The following PLEKHS1 variants were observed in gnomAD, a reference collection of about 807,000 sequenced individuals.
The protein encoded by PLEKHS1 is pleckstrin homology domain-containing family S member 1.
PLEKHS1 carries 55 observed loss-of-function variants against 51.0 expected under a neutral mutation model. The observed-to-expected ratio is 1.08, with a 90% CI of 0.87 to 1.35. The LOEUF is 1.35. Among genes scored for constraint, PLEKHS1 ranks in the 40% most tolerant of loss-of-function variants. PLEKHS1 has a pLI of 0.00. For synonymous variants in PLEKHS1, 153 were observed against 144.8 expected (o/e 1.06, Z -0.41); for missense variants, 398 against 423.0 (o/e 0.94, Z 0.52).
In PLEKHS1 at chr10:113,755,453, G is replaced by A. The variant is rs7920463; in HGVS notation, c.28+148G>A. On this transcript the variant is annotated intron_variant, in intron 2 of 11. Transcript: ENST00000361048. The stretch of plus-strand genomic sequence containing the variant: ...GTTTGAGACAGTCTTGCTCTGTTGC[G>A]TAGGCTGGAGTACAGTGGCACGATC... 1,228 of 1,360,058 alleles carry A rather than the reference G, an allele frequency of 9.0e-4. 9 individuals carry two copies. In the African/African-American group the frequency reaches 0.015, roughly 17 times the overall value. The allele number at this position is 1,360,058 out of a possible 1,614,324, so 84.2% of individuals were successfully genotyped here.
intron 11 of PLEKHS1, 107 bp from the exon 13 acceptor site, chr10:113,780,495 A>G: frequency 9.6e-7 from 1 of 1,042,982 alleles, no homozygotes; most frequent in South Asian, 1.4e-5. Context: ...TCACTGCAGG[A>G]CTTTCTTCAA....
chr10:113,764,170 G>A (rs546814871), intron 2 of PLEKHS1, among the ~76,000 whole-genome samples: 91 of 152,122 alleles, frequency 6.0e-4, no homozygotes, highest in Non-Finnish European at 1.1e-3. Flanking sequence ...GCGCTATCTC[G>A]GCTCACTGCA....
At chr10:113,777,311 A>G (rs1844718001) in intron 11 of PLEKHS1, 52 bp downstream of exon 12, 1 of 1,608,846 alleles carries the variant, frequency 6.2e-7, no homozygotes, top group East Asian at 2.2e-5. Context: ...CAGAAGGAAA[A>G]AGATCAGGGT....
chr10:113,770,120 C>T (rs1426150496), intron 7 of PLEKHS1, among the ~76,000 whole-genome samples: 1 of 152,194 alleles, frequency 6.6e-6, no homozygotes, highest in African/African-American at 2.4e-5. Flanking sequence ...ATTTTAGATG[C>T]TCTTGATATG....
intron 1 of PLEKHS1, among the ~76,000 whole-genome samples, chr10:113,754,463 C>A (rs1854003820): frequency 6.6e-6 from 1 of 152,124 alleles, no homozygotes; most frequent in African/African-American, 2.4e-5. Context: ...AAGGATGCTG[C>A]CTCTCAGATT....
chr10:113,766,711 A>C (rs1331597323), exon 4 of PLEKHS1: 1 of 1,607,500 alleles, frequency 6.2e-7, no homozygotes, highest in Non-Finnish European at 8.5e-7. Context: ...TTCCATTGAA[A>C]TTGATCAGTG....
At chr10:113,765,315 TCA>T in intron 2 of PLEKHS1, 1 of 777,460 alleles carries the variant, frequency 1.3e-6, no homozygotes, top group East Asian at 2.4e-5. Flanking sequence ...TAATTATTCC[TCA>T]CACTGAGGCA....
chr10:113,765,165 T>C, intron 2 of PLEKHS1: 1 of 444,116 alleles, frequency 2.3e-6, no homozygotes. Context: ...TTCCTGAATA[T>C]CTTTGTATTC....
chr10:113,757,054 G>A (rs1414392544), intron 2 of PLEKHS1, among the ~76,000 whole-genome samples: 1 of 151,870 alleles, frequency 6.6e-6, no homozygotes, highest in East Asian at 1.9e-4. Flanking sequence ...TAGCTAGGAG[G>A]CGCCTGCCAC....
At chr10:113,778,403 A>G (rs1039340544) in intron 11 of PLEKHS1, among the ~76,000 whole-genome samples, 20 of 152,158 alleles carry the variant, frequency 1.3e-4, no homozygotes, top group Admixed American at 1.1e-3. Context: ...TCTGAAAACC[A>G]TTGTATTAGA....
At chr10:113,755,158 A>G in intron 1 of PLEKHS1, 101 bp from the exon 2 acceptor site, 1 of 1,321,892 alleles carries the variant, frequency 7.6e-7, no homozygotes. Context: ...TCTCAGCAAC[A>G]TTCGTGAGCA....
intron 11 of PLEKHS1, 120 bp from the exon 13 acceptor site, chr10:113,780,482 A>G: frequency 1.1e-6 from 1 of 901,576 alleles, no homozygotes; most frequent in Admixed American, 2.0e-5. Context: ...CAGATATTAC[A>G]GTTCACTGCA....
intron 4 of PLEKHS1, 24 bp from the exon 5 acceptor site, chr10:113,767,321 A>G (rs1402287828): frequency 6.5e-7 from 1 of 1,545,718 alleles, no homozygotes; most frequent in Non-Finnish European, 8.8e-7. Flanking sequence ...CCTTGGTTTA[A>G]TACTTTGTGT....
At chr10:113,765,291 A>G in intron 2 of PLEKHS1, 2 of 769,410 alleles carry the variant, frequency 2.6e-6, no homozygotes, top group South Asian at 2.7e-5. Flanking sequence ...TAGAACTAGT[A>G]ATTAGTGTAG....
chr10:113,775,646 A>G (rs7899444), intron 10 of PLEKHS1, 119 bp from the exon 11 acceptor site: 236,840 of 609,554 alleles, frequency 0.39, 47,059 homozygotes, highest in South Asian at 0.47. Flanking sequence ...AAATGTTTTG[A>G]ACAACCTTTA....
intron 11 of PLEKHS1, 94 bp from the exon 13 acceptor site, chr10:113,780,508 C>T (rs1179814650): frequency 8.3e-7 from 1 of 1,201,452 alleles, no homozygotes; most frequent in African/African-American, 1.5e-5. Context: ...TTCTTCAATA[C>T]CAGCTCCCAA....
At chr10:113,754,909 G>T (rs1854033669) in intron 1 of PLEKHS1, among the ~76,000 whole-genome samples, 2 of 152,192 alleles carry the variant, frequency 1.3e-5, no homozygotes, top group Non-Finnish European at 2.9e-5. Context: ...CCTGCCCTTT[G>T]CCCTGTTCTT....
intron 2 of PLEKHS1, among the ~76,000 whole-genome samples, chr10:113,761,927 A>G (rs138536433): frequency 8.5e-5 from 13 of 152,150 alleles, no homozygotes; most frequent in Non-Finnish European, 1.6e-4. Context: ...ATGTTTGATC[A>G]AAGAGAACAG....
intron 1 of PLEKHS1, among the ~76,000 whole-genome samples, chr10:113,752,274 A>G (rs920401174): frequency 9.2e-5 from 14 of 152,222 alleles, no homozygotes; most frequent in African/African-American, 3.4e-4. Context: ...TATCATTGTG[A>G]AAACAGTGCA....
Sources: allele counts gnomAD v4.1 joint callset (sites outside exome capture counted in the v4.1 genomes callset), GRCh38; gene constraint gnomAD v4.1.1; transcripts MANE v1.5; gene names NCBI Gene and HGNC (gene_info 2026-07-23, HGNC 2026-07-21).